Variants in RYR3 observed in about 807,000 individuals in gnomAD.
The protein encoded by RYR3 is brain ryanodine receptor-calcium release channel.
RYR3 carries 207 observed loss-of-function variants against 584.3 expected under a neutral mutation model. The ratio of observed to expected loss-of-function variants is 0.35; its 90% CI spans 0.32 to 0.40. The LOEUF is 0.40. RYR3 is among the 10% of genes least tolerant of loss of function. The pLI, the probability that RYR3 is intolerant of heterozygous loss-of-function variation, is 1.00. For missense variants in RYR3, 5,616 were observed against 6,089.2 expected (o/e 0.92, Z 2.59); for synonymous variants, 2,416 against 2,248.5 (o/e 1.07, Z -2.11).
intron 90 of RYR3, among the ~76,000 whole-genome samples, chr15:33,841,546 G>T (rs2078363711): frequency 6.6e-6 from 1 of 152,196 alleles, no homozygotes; most frequent in Non-Finnish European, 1.5e-5. Context: ...AATCTTGCCA[G>T]AAGTGTGGAA....
intron 3 of RYR3, among the ~76,000 whole-genome samples, chr15:33,508,594 G>A (rs983058827): frequency 2.0e-5 from 3 of 152,168 alleles, no homozygotes; most frequent in South Asian, 4.1e-4. Flanking sequence ...AGCTTGCAGT[G>A]AGCTGAGATT....
chr15:33,863,378 A>G (rs1889221009), intron 102 of RYR3, among the ~76,000 whole-genome samples: 1 of 152,132 alleles, frequency 6.6e-6, no homozygotes, highest in Admixed American at 6.5e-5. Context: ...CGCTCTATAC[A>G]CTATACCACC....
intron 38 of RYR3, among the ~76,000 whole-genome samples, chr15:33,673,048 C>T (rs1224682568): frequency 6.6e-6 from 1 of 152,216 alleles, no homozygotes; most frequent in Non-Finnish European, 1.5e-5. Flanking sequence ...TGCTTCTCCA[C>T]TGTACCCTTG....
intron 18 of RYR3, among the ~76,000 whole-genome samples, chr15:33,607,544 G>C (rs966629538): frequency 6.6e-6 from 1 of 152,112 alleles, no homozygotes; most frequent in Non-Finnish European, 1.5e-5. Flanking sequence ...TCTGAAACAA[G>C]TTTGATTTTT....
intron 48 of RYR3, among the ~76,000 whole-genome samples, chr15:33,732,272 C>T (rs1053220448): frequency 1.1e-4 from 17 of 151,474 alleles, no homozygotes; most frequent in Non-Finnish European, 2.5e-4. Flanking sequence ...CCTGTAGTCC[C>T]AGCTACTCGG....
At chr15:33,755,392 G>A (rs371656591) in intron 58 of RYR3, among the ~76,000 whole-genome samples, 72 of 152,146 alleles carry the variant, frequency 4.7e-4, no homozygotes, top group African/African-American at 1.5e-3. Context: ...AGGCCGAGGC[G>A]GGCGGATCAT....
At chr15:33,745,719 G>A (rs940285645) in intron 52 of RYR3, among the ~76,000 whole-genome samples, 3 of 152,184 alleles carry the variant, frequency 2.0e-5, no homozygotes, top group Admixed American at 6.5e-5. Context: ...GTCTTCCCAG[G>A]CCTTCCAGTC....
At chr15:33,399,623 GTA>G (rs2042517027) in intron 1 of RYR3, among the ~76,000 whole-genome samples, 1 of 152,130 alleles carries the variant, frequency 6.6e-6, no homozygotes, top group South Asian at 2.1e-4. Context: ...GGGCGACAGA[GTA>G]AGACTCCGTT....
rs1432503630 is a variant in RYR3, at chr15:33,835,343, C to T, written c.11568+271C>T. Reference sequence around the variant, plus strand: ...TTATTATTGCCTCAACATTTGCTTTCTGTGGTGCTAATCCTTTCTGCTTCC... The same window carrying T: ...TTATTATTGCCTCAACATTTGCTTTTTGTGGTGCTAATCCTTTCTGCTTCC... On this transcript the variant is annotated intron_variant, in intron 87 of 103. Coordinates refer to ENST00000634891, the MANE Select transcript of RYR3 (RefSeq NM_001036.6). Among the ~76,000 whole-genome samples, 5 of 152,038 alleles carry T rather than the reference C, an allele frequency of 3.3e-5. No homozygotes were observed. The East Asian group carries it at 9.7e-4, about 29-fold the overall frequency.
At chr15:33,692,059 A>T (rs2065473852) in intron 38 of RYR3, among the ~76,000 whole-genome samples, 1 of 152,218 alleles carries the variant, frequency 6.6e-6, no homozygotes, top group African/African-American at 2.4e-5. Flanking sequence ...TGTCAGTAAT[A>T]GTTCACCTTT....
At chr15:33,349,530 G>A (rs1278084092) in intron 1 of RYR3, among the ~76,000 whole-genome samples, 4 of 151,404 alleles carry the variant, frequency 2.6e-5, no homozygotes, top group Non-Finnish European at 2.9e-5. Context: ...GACGAATGAC[G>A]CCAAGCATCT....
chr15:33,685,131 A>G (rs528072300), intron 38 of RYR3, among the ~76,000 whole-genome samples: 4 of 152,366 alleles, frequency 2.6e-5, no homozygotes, highest in East Asian at 1.9e-4. Context: ...AAATGCCCCA[A>G]TTAAAAGATC....
intron 1 of RYR3, among the ~76,000 whole-genome samples, chr15:33,325,725 T>TCTTC (rs67855881): frequency 0.019 from 1,780 of 91,436 alleles, 21 homozygotes; most frequent in Non-Finnish European, 0.02. Flanking sequence ...CCCCTCCCCC[T>TCTTC]CTTCCTTCCT....
At chr15:33,649,489 G>A (rs960345678) in intron 31 of RYR3, among the ~76,000 whole-genome samples, 5 of 152,224 alleles carry the variant, frequency 3.3e-5, no homozygotes, top group Admixed American at 2.0e-4. Context: ...AATGGGGTAC[G>A]TGATCTCTCT....
rs1483703672 is a variant in RYR3, at chr15:33,522,090, CTT to C, written c.280-8501_280-8500del. ...CCAATATGGCAAAACCCCATCTCTA[CTT>C]AAAAAAAAAAAAAAAAAAAAACTAG... On this transcript the variant is annotated intron_variant, in intron 3 of 103. Transcript: ENST00000634891. Among the ~76,000 whole-genome samples, 2 of 84,336 alleles carry C rather than the reference CTT, an allele frequency of 2.4e-5. 1 individual carries two copies. 55.3% of individuals were successfully genotyped at this position (84,336 alleles called of 152,430 possible).
chr15:33,751,490 G>A (rs2071301533), intron 57 of RYR3, among the ~76,000 whole-genome samples: 1 of 152,056 alleles, frequency 6.6e-6, no homozygotes, highest in Non-Finnish European at 1.5e-5. Flanking sequence ...GACCAGTGAT[G>A]ATGAGCTTTT....
Position 33,365,421 on chromosome 15 carries a change from G to A in RYR3, c.51+54325G>A, listed in dbSNP as rs555230923. On this transcript the variant is annotated intron_variant, in intron 1 of 103. Transcript: ENST00000634891. ...CGAGGGGCAGAGGAAGGGAGGAGAAGTCATTTCCAGATTTAAAAGTGAAGT... is the reference window on the plus strand; with the variant it reads ...CGAGGGGCAGAGGAAGGGAGGAGAAATCATTTCCAGATTTAAAAGTGAAGT... Among the ~76,000 whole-genome samples the A allele has an allele frequency of 3.9e-5, 6 of 152,284 alleles. No individual in the cohort carries two copies. The East Asian group carries it at 9.7e-4, about 25-fold the overall frequency.
chr15:33,528,912 G>A (rs374294887), intron 3 of RYR3, among the ~76,000 whole-genome samples: 7 of 152,294 alleles, frequency 4.6e-5, no homozygotes, highest in East Asian at 3.9e-4. Context: ...AGAGTTGGAG[G>A]AAGGTAGGAA....
intron 1 of RYR3, among the ~76,000 whole-genome samples, chr15:33,441,435 G>A (rs1223472509): frequency 1.3e-5 from 2 of 152,062 alleles, no homozygotes; most frequent in East Asian, 1.9e-4. Flanking sequence ...CTTAATTTTC[G>A]TGACAGCCTA....
Sources: allele counts gnomAD v4.1 joint callset (sites outside exome capture counted in the v4.1 genomes callset), GRCh38; gene constraint gnomAD v4.1.1; transcripts MANE v1.5; gene names NCBI Gene and HGNC (gene_info 2026-07-23, HGNC 2026-07-21).